The following ST6GAL1 variants were observed in gnomAD, a reference collection of about 807,000 sequenced individuals.
ST6GAL1 encodes ST6 beta-galactoside alpha-2,6-sialyltransferase 1.
ST6GAL1 carries 20 observed loss-of-function variants against 38.0 expected under a neutral mutation model. The ratio of observed to expected loss-of-function variants is 0.53; its 90% CI spans 0.37 to 0.77. The LOEUF (loss-of-function observed/expected upper bound fraction) is 0.77, where lower values mean the gene tolerates loss of function less well. Among genes scored for constraint, ST6GAL1 ranks in the 30% least tolerant of loss-of-function variants. ST6GAL1 has a pLI of 0.00. For synonymous variants in ST6GAL1, 196 were observed against 188.2 expected (o/e 1.04, Z -0.34); for missense variants, 432 against 496.4 (o/e 0.87, Z 1.23).
chr3:186,965,212 C>T (rs1051659037), intron 2 of ST6GAL1, among the ~76,000 whole-genome samples: 5 of 152,228 alleles, frequency 3.3e-5, no homozygotes, highest in South Asian at 2.1e-4. Context: ...GGAAAAGTCA[C>T]GAAGTTGGTC....
At chr3:187,019,271 G>T (rs1241451154) in intron 2 of ST6GAL1, among the ~76,000 whole-genome samples, 3 of 152,140 alleles carry the variant, frequency 2.0e-5, no homozygotes, top group Non-Finnish European at 4.4e-5. Context: ...GGGATGAGGA[G>T]ATATGAAAAA....
At chr3:187,002,521 A>G (rs7621438) in intron 2 of ST6GAL1, among the ~76,000 whole-genome samples, 79,656 of 152,100 alleles carry the variant, frequency 0.52, 21,086 homozygotes, top group African/African-American at 0.57. Flanking sequence ...CATTTTTTAC[A>G]TGGCCTTGCA....
At chr3:187,011,033 C>G (rs1195292679) in intron 2 of ST6GAL1, among the ~76,000 whole-genome samples, 1 of 152,172 alleles carries the variant, frequency 6.6e-6, no homozygotes, top group Non-Finnish European at 1.5e-5. Context: ...CTTAATTCGT[C>G]TCAAAGTGTG....
chr3:187,070,122 C>G (rs967008577), intron 5 of ST6GAL1, among the ~76,000 whole-genome samples: 1 of 152,152 alleles, frequency 6.6e-6, no homozygotes, highest in Non-Finnish European at 1.5e-5. Context: ...TTCCTGGAAG[C>G]CACACTTGCT....
intron 2 of ST6GAL1, among the ~76,000 whole-genome samples, chr3:187,020,665 A>G (rs1233805392): frequency 1.3e-5 from 2 of 152,234 alleles, no homozygotes; most frequent in Non-Finnish European, 1.5e-5. Context: ...TCTGCATGGT[A>G]GCCTCCTTCA....
chr3:186,937,692 G>C (rs1384901107), intron 1 of ST6GAL1, among the ~76,000 whole-genome samples: 1 of 152,184 alleles, frequency 6.6e-6, no homozygotes, highest in Non-Finnish European at 1.5e-5. Context: ...AATGACTGGA[G>C]CAGTGGGAAT....
intron 2 of ST6GAL1, among the ~76,000 whole-genome samples, chr3:187,023,664 T>C (rs1717408840): frequency 6.6e-6 from 1 of 151,810 alleles, no homozygotes; most frequent in African/African-American, 2.4e-5. Context: ...ATGTTCTCAC[T>C]CATAGGTGGG....
intron 2 of ST6GAL1, among the ~76,000 whole-genome samples, chr3:187,005,954 T>TG (rs1716772949): frequency 6.6e-6 from 1 of 151,772 alleles, no homozygotes; most frequent in Non-Finnish European, 1.5e-5. Context: ...GACAAGATGG[T>TG]GGGGGGATAT....
At chr3:187,032,380 T>A (rs770527268) in intron 2 of ST6GAL1, among the ~76,000 whole-genome samples, 7 of 152,276 alleles carry the variant, frequency 4.6e-5, no homozygotes, top group Middle Eastern at 3.4e-3. Context: ...CATCCAAAAG[T>A]CTGGTGACTG....
At chr3:186,972,482 T>C (rs998570725) in intron 2 of ST6GAL1, among the ~76,000 whole-genome samples, 4 of 152,018 alleles carry the variant, frequency 2.6e-5, no homozygotes, top group African/African-American at 4.8e-5. Context: ...ACTCCTGACC[T>C]CCTGTGATCT....
chr3:186,994,127 C>T (rs1353681350), intron 2 of ST6GAL1, among the ~76,000 whole-genome samples: 7 of 152,020 alleles, frequency 4.6e-5, no homozygotes, highest in African/African-American at 9.7e-5. Context: ...AAAAATATGT[C>T]GATTCAGCTC....
At chr3:186,982,793 T>C (rs1164488588) in intron 2 of ST6GAL1, among the ~76,000 whole-genome samples, 1 of 148,518 alleles carries the variant, frequency 6.7e-6, no homozygotes, top group Non-Finnish European at 1.5e-5. Flanking sequence ...GTGTTTCTCC[T>C]GCTTCAGCCT....
intron 4 of ST6GAL1, among the ~76,000 whole-genome samples, chr3:187,048,779 C>A (rs1430962158): frequency 1.3e-5 from 2 of 151,988 alleles, no homozygotes; most frequent in South Asian, 2.1e-4. Context: ...CAACATCAAG[C>A]ATCTGTTCTA....
At chr3:187,039,088 C>T (rs972452524) in intron 3 of ST6GAL1, among the ~76,000 whole-genome samples, 6 of 152,146 alleles carry the variant, frequency 3.9e-5, no homozygotes, top group Admixed American at 3.3e-4. Flanking sequence ...TTTCTATTAA[C>T]TATATAAGAT....
chr3:187,027,322 C>T (rs573209254), intron 2 of ST6GAL1, among the ~76,000 whole-genome samples: 16 of 152,288 alleles, frequency 1.1e-4, no homozygotes, highest in South Asian at 4.2e-4. Context: ...CTGTTCTCAG[C>T]GACCTGTTTC....
At chr3:186,949,510 AT>A (rs750694405) in intron 1 of ST6GAL1, among the ~76,000 whole-genome samples, 6 of 152,104 alleles carry the variant, frequency 3.9e-5, no homozygotes, top group Non-Finnish European at 8.8e-5. Context: ...TGGGCTGCAA[AT>A]TTGGATGAGG....
At chr3:186,932,909 T>C (rs747640106) in intron 1 of ST6GAL1, among the ~76,000 whole-genome samples, 1 of 152,240 alleles carries the variant, frequency 6.6e-6, no homozygotes, top group Admixed American at 6.5e-5. Context: ...TAGTTACACT[T>C]GTTTCTTTTC....
chr3:186,962,813 G>A (rs1278708330), intron 1 of ST6GAL1, among the ~76,000 whole-genome samples: 1 of 152,164 alleles, frequency 6.6e-6, no homozygotes, highest in African/African-American at 2.4e-5. Context: ...TACAATTTAT[G>A]GTACAGCTCT....
intron 5 of ST6GAL1, among the ~76,000 whole-genome samples, chr3:187,062,505 A>T (rs1560181649): frequency 6.6e-6 from 1 of 151,926 alleles, no homozygotes; most frequent in African/African-American, 2.4e-5. Flanking sequence ...CTAAAAAAGG[A>T]AGAAAATACC....
Sources: gnomAD v4.1 joint callset for allele counts (sites outside exome capture counted in the v4.1 genomes callset) on GRCh38, gnomAD v4.1.1 for gene constraint, MANE v1.5 for transcripts, NCBI Gene and HGNC (gene_info 2026-07-23, HGNC 2026-07-21) for gene names.